The following AGAP1 variants were observed in gnomAD, a reference collection of about 807,000 sequenced individuals.
AGAP1 encodes the protein arf-GAP with GTPase, ANK repeat and PH domain-containing protein 1.
A neutral mutation model predicts 105.3 loss-of-function variants in AGAP1; 29 were observed. The observed-to-expected ratio is 0.28, with a 90% confidence interval of 0.21 to 0.38. The LOEUF is 0.38. Among genes scored for constraint, AGAP1 ranks in the 10% least tolerant of loss-of-function variants. The pLI is 1.00. For synonymous variants in AGAP1, 509 were observed against 485.9 expected (o/e 1.05, Z -0.63); for missense variants, 998 against 1,165.1 (o/e 0.86, Z 2.09).
intron 12 of AGAP1, among the ~76,000 whole-genome samples, chr2:235,940,023 G>A (rs2053187552): frequency 6.6e-6 from 1 of 152,142 alleles, no homozygotes; most frequent in South Asian, 2.1e-4. Context: ...CTCATGCTCA[G>A]CATATTTGAA....
intron 6 of AGAP1, among the ~76,000 whole-genome samples, chr2:235,772,734 A>T (rs760826358): frequency 2.8e-4 from 43 of 152,240 alleles, no homozygotes; most frequent in Non-Finnish European, 7.3e-5. Flanking sequence ...AGGACTGAGC[A>T]CAGCTGAGCG....
chr2:235,641,711 A>G (rs1947204011), intron 1 of AGAP1, among the ~76,000 whole-genome samples: 1 of 152,220 alleles, frequency 6.6e-6, no homozygotes, highest in Admixed American at 6.5e-5. Context: ...TTCACAAACA[A>G]TGTTACTGGC....
chr2:235,496,592 C>G (rs997887998), intron 1 of AGAP1, among the ~76,000 whole-genome samples: 2 of 152,208 alleles, frequency 1.3e-5, no homozygotes, highest in African/African-American at 4.8e-5. Context: ...TTGAAGGCAC[C>G]TGGCTGAGAG....
intron 6 of AGAP1, among the ~76,000 whole-genome samples, chr2:235,779,595 G>A (rs575853190): frequency 5.3e-4 from 80 of 152,302 alleles, no homozygotes; most frequent in African/African-American, 1.8e-3. Flanking sequence ...TTGGAAAAGC[G>A]GAGGCCACTA....
rs1946554214 is a variant in AGAP1 at position 235,623,653 on chromosome 2, G to T, written c.164-85526G>T. Among the ~76,000 whole-genome samples, 1 of 152,162 alleles carries T rather than the reference G, an allele frequency of 6.6e-6. No individual in the cohort carries two copies. The highest frequency in any genetic ancestry group is 2.4e-5 in the African/African-American group (1 of 41,436). ...GGGTGCTGTGTTGCAGGTCTGTGAT[G>T]CAGTTGCCATATATTTTTTGACTTT... On this transcript the variant is annotated intron_variant, in intron 1 of 17. Transcript: ENST00000304032. The surrounding 1 kb of genome is among the most constrained non-coding windows in gnomAD (Gnocchi z 4.5).
chr2:235,662,498 G>A lies in AGAP1; in HGVS notation c.164-46681G>A, dbSNP rs1036227941. ...TATCATTCCCCTACTTGGTCTGTCT[G>A]CCTTCATGGAAGTTGGTGATTTTTT... On this transcript the variant is annotated intron_variant, in intron 1 of 17. Transcript: ENST00000304032. This position sits in a 1 kb window ranked among gnomAD's most constrained non-coding sequence, Gnocchi z 4.2. 2.0e-5 allele frequency among the ~76,000 whole-genome samples: 3 copies of A among 149,722 alleles called. No homozygotes were observed. Among genetic ancestry groups the A allele is most frequent in the Non-Finnish European group, 4.4e-5 (3 of 67,832 alleles).
chr2:235,772,135 C>T (rs1955510831), intron 6 of AGAP1, among the ~76,000 whole-genome samples: 1 of 151,054 alleles, frequency 6.6e-6, no homozygotes, highest in South Asian at 2.1e-4. Flanking sequence ...GCTGAGATTA[C>T]ATTAATTAAC....
At position 235,690,964 on chromosome 2, in the gene AGAP1, C is replaced by G. The variant is rs1310565369; in HGVS notation, c.164-18215C>G. ...GCTGCTATTTTAGATATGCCAGGAG[C>G]CTTCTTGGAAGTCGCTCACCACCTG... On this transcript the variant is annotated intron_variant, in intron 1 of 17. Transcript: ENST00000304032. This position sits in a 1 kb window ranked among gnomAD's most constrained non-coding sequence, Gnocchi z 4.1. 2.0e-5 allele frequency among the ~76,000 whole-genome samples: 3 copies of G among 152,146 alleles called. No homozygotes were observed. The highest frequency in any genetic ancestry group is 4.4e-5 in the Non-Finnish European group (3 of 68,030).
chr2:235,570,308 A>G (rs920362626), intron 1 of AGAP1, among the ~76,000 whole-genome samples: 21 of 152,180 alleles, frequency 1.4e-4, no homozygotes. Flanking sequence ...CCATTTATTT[A>G]TGGGGCCTAG....
At chr2:235,667,620 C>T (rs573661696) in intron 1 of AGAP1, among the ~76,000 whole-genome samples, 10 of 152,170 alleles carry the variant, frequency 6.6e-5, no homozygotes, top group East Asian at 1.9e-4. Flanking sequence ...AGATGAATCC[C>T]GCCTGGCTGC....
In AGAP1 at chr2:236,119,095, C is replaced by G. The variant is rs934962394; in HGVS notation, c.2115-1097C>G. Among the ~76,000 whole-genome samples, 33 of 152,158 alleles carry G rather than the reference C, an allele frequency of 2.2e-4. No homozygotes were observed. Among genetic ancestry groups the G allele is most frequent in the Admixed American group, 1.5e-3 (23 of 15,268 alleles). On this transcript the variant is annotated intron_variant, in intron 16 of 17. Transcript: ENST00000304032. The surrounding 1 kb of genome is among the most constrained non-coding windows in gnomAD (Gnocchi z 6.6). ...AGGGTCCCCATCCTCTGTAGACCCC[C>G]CAGGAGGAGACCATGTATTACACTG...
chr2:235,538,425 C>CTGTGTGTGTGTGTGTGTGTG (rs1413280144), intron 1 of AGAP1, among the ~76,000 whole-genome samples: 10 of 28,586 alleles, frequency 3.5e-4, no homozygotes, highest in Admixed American at 2.2e-3. Flanking sequence ...ACCTCAGCCA[C>CTGTGTGTGTGTGTGTGTGTG]TATGTGTGTG....
intron 1 of AGAP1, among the ~76,000 whole-genome samples, chr2:235,514,162 G>GCGCACACACACACA (rs1003208197): frequency 2.0e-5 from 3 of 150,508 alleles, no homozygotes; most frequent in African/African-American, 4.9e-5. Flanking sequence ...GTGCGCGCGC[G>GCGCACACACACACA]CACACACACA....
chr2:235,651,106 G>T (rs1033188086), intron 1 of AGAP1, among the ~76,000 whole-genome samples: 13 of 143,414 alleles, frequency 9.1e-5, no homozygotes, highest in African/African-American at 1.3e-4. Flanking sequence ...AGTTGAACCC[G>T]AGAGGCAGAG....
chr2:235,864,440 G>C lies in AGAP1; in HGVS notation c.1051-18905G>C, dbSNP rs945446575. 2.0e-5 allele frequency among the ~76,000 whole-genome samples: 3 copies of C among 152,186 alleles called. No homozygotes were observed. The highest frequency in any genetic ancestry group is 4.4e-5 in the Non-Finnish European group (3 of 68,036). ...GTAAGTGCCCGTTGGTTTTGTTTGC[G>C]GTTCTGGCCTCCAGGGCGGTCTGGG... On this transcript the variant is annotated intron_variant, in intron 9 of 17. Coordinates refer to ENST00000304032, the MANE Select transcript of AGAP1 (RefSeq NM_001037131.3). The surrounding 1 kb of genome is among the most constrained non-coding windows in gnomAD (Gnocchi z 5.0).
chr2:235,727,338 G>T (rs2149590674), intron 3 of AGAP1, among the ~76,000 whole-genome samples: 1 of 151,904 alleles, frequency 6.6e-6, no homozygotes, highest in African/African-American at 2.4e-5. Flanking sequence ...GCCAGGGTGG[G>T]GCTGGGGGGA....
At chr2:235,511,864 GTGTGTGTGTATGTGAA>G (rs200517613) in intron 1 of AGAP1, among the ~76,000 whole-genome samples, 8 of 150,298 alleles carry the variant, frequency 5.3e-5, no homozygotes, top group East Asian at 3.9e-4. Flanking sequence ...GTGTGTGAAT[GTGTGTGTGTATGTGAA>G]TGTGTGTGAA....
rs1952011128 is a variant in AGAP1, at chr2:235,732,535, C to A, written c.311-8428C>A. Among the ~76,000 whole-genome samples, 1 of 152,128 alleles carries A rather than the reference C, an allele frequency of 6.6e-6. No individual in the cohort carries two copies. The highest frequency in any genetic ancestry group is 2.4e-5 in the African/African-American group (1 of 41,448). ...AAGGGACTTCCTTCTGCTTTTTGAG[C>A]TTTGTTTTCTTCTCCATTGTTGCTT... On this transcript the variant is annotated intron_variant, in intron 3 of 17. Coordinates refer to ENST00000304032, the MANE Select transcript of AGAP1 (RefSeq NM_001037131.3). This position sits in a 1 kb window ranked among gnomAD's most constrained non-coding sequence, Gnocchi z 4.8.
chr2:235,815,154 G>A (rs970432546), intron 9 of AGAP1, among the ~76,000 whole-genome samples: 6 of 152,152 alleles, frequency 3.9e-5, no homozygotes, highest in Non-Finnish European at 8.8e-5. Context: ...AGACAGTGGG[G>A]CGTGCCCAGC....
Sources: allele counts gnomAD v4.1 joint callset (sites outside exome capture counted in the v4.1 genomes callset), GRCh38; gene constraint gnomAD v4.1.1; non-coding constraint Gnocchi (gnomAD v3.1); transcripts MANE v1.5; gene names NCBI Gene and HGNC (gene_info 2026-07-23, HGNC 2026-07-21).